SH3BGRL2: variants seen among roughly 807,000 people sequenced by gnomAD.
SH3BGRL2 encodes the protein SH3 domain binding glutamate rich protein like 2, also known as SH3 domain-binding glutamic acid-rich-like protein 2.
SH3BGRL2 carries 21 observed loss-of-function variants against 14.8 expected under a neutral mutation model. The ratio of observed to expected loss-of-function variants is 1.42; its 90% CI spans 1.01 to 2.05. The LOEUF (loss-of-function observed/expected upper bound fraction) is 2.05. Ranked by LOEUF, SH3BGRL2 falls within the 30% of genes most tolerant of loss-of-function variation. The pLI is 0.00. For missense variants in SH3BGRL2, 147 were observed against 130.8 expected, an observed-to-expected ratio of 1.12 and a Z score of -0.61; for synonymous variants, 50 against 47.8, an observed-to-expected ratio of 1.05 and a Z score of -0.19.
the SH3BGRL2 span, among the ~76,000 whole-genome samples, chr6:79,586,183 C>T: frequency 9.0e-3 from 1,211 of 135,088 alleles, 18 homozygotes; most frequent in African/African-American, 0.03. Flanking sequence ...GCAACAAGAG[C>T]GAAACTCTGT....
chr6:79,651,477 C>A (rs1769293516), intron 1 of SH3BGRL2, among the ~76,000 whole-genome samples: 1 of 152,082 alleles, frequency 6.6e-6, no homozygotes, highest in Non-Finnish European at 1.5e-5. Context: ...CATGGTTCTG[C>A]TAACGTTTTA....
intron 1 of SH3BGRL2, among the ~76,000 whole-genome samples, chr6:79,656,427 C>T (rs1714314093): frequency 6.6e-6 from 1 of 152,190 alleles, no homozygotes; most frequent in Non-Finnish European, 1.5e-5. Context: ...AGAATCCACT[C>T]TTCCAGGCAA....
chr6:79,653,840 C>A (rs1582720625), intron 1 of SH3BGRL2, among the ~76,000 whole-genome samples: 1 of 152,162 alleles, frequency 6.6e-6, no homozygotes, highest in Non-Finnish European at 1.5e-5. Flanking sequence ...GGTGACTGAG[C>A]CATGTATGTT....
the SH3BGRL2 span, among the ~76,000 whole-genome samples, chr6:79,621,610 G>A: frequency 7.0e-3 from 1,059 of 152,324 alleles, 6 homozygotes; most frequent in Middle Eastern, 0.02. Flanking sequence ...ATTCACCCAA[G>A]ATTGCACCAA....
chr6:79,652,866 A>T (rs1769323659), intron 1 of SH3BGRL2, among the ~76,000 whole-genome samples: 2 of 152,188 alleles, frequency 1.3e-5, no homozygotes, highest in African/African-American at 4.8e-5. Flanking sequence ...CCTAAGACTT[A>T]TGGTATAATA....
At chr6:79,652,006 C>T (rs1267768522) in intron 1 of SH3BGRL2, among the ~76,000 whole-genome samples, 1 of 152,184 alleles carries the variant, frequency 6.6e-6, no homozygotes, top group East Asian at 1.9e-4. Flanking sequence ...CAAATTCCCT[C>T]AGCTGTGACC....
At chr6:79,611,135 G>T in the SH3BGRL2 span, among the ~76,000 whole-genome samples, 1 of 151,914 alleles carries the variant, frequency 6.6e-6, no homozygotes, top group Non-Finnish European at 1.5e-5. Flanking sequence ...ATCTTCCTTT[G>T]TGGGACCCAG....
At chr6:79,649,376 A>G (rs1293190693) in intron 1 of SH3BGRL2, among the ~76,000 whole-genome samples, 1 of 152,206 alleles carries the variant, frequency 6.6e-6, no homozygotes, top group African/African-American at 2.4e-5. Flanking sequence ...CATATGTGGT[A>G]TATTTTAGAA....
At chr6:79,582,584 T>C in the SH3BGRL2 span, among the ~76,000 whole-genome samples, 1 of 152,230 alleles carries the variant, frequency 6.6e-6, no homozygotes, top group African/African-American at 2.4e-5. Flanking sequence ...ACTAGCCATA[T>C]GTAGAAAGCT....
intron 2 of SH3BGRL2, among the ~76,000 whole-genome samples, chr6:79,676,605 A>ATGTGTGTG (rs58234438): frequency 0.016 from 2,218 of 139,634 alleles, 32 homozygotes; most frequent in African/African-American, 0.045. Context: ...GTCTTTATGT[A>ATGTGTGTG]TGTGTGTGTG....
At chr6:79,590,963 A>G in the SH3BGRL2 span, among the ~76,000 whole-genome samples, 1 of 152,214 alleles carries the variant, frequency 6.6e-6, no homozygotes. Flanking sequence ...TACATCCCTA[A>G]AACATTTCAA....
chr6:79,541,960 C>T, the SH3BGRL2 span, among the ~76,000 whole-genome samples: 76 of 152,260 alleles, frequency 5.0e-4, 1 homozygote, highest in African/African-American at 1.8e-3. Context: ...TTTTTGACTG[C>T]CTCTGCTTTA....
chr6:79,639,040 A>G (rs1166809360), intron 1 of SH3BGRL2, among the ~76,000 whole-genome samples: 1 of 152,218 alleles, frequency 6.6e-6, no homozygotes, highest in Non-Finnish European at 1.5e-5. Flanking sequence ...CAAAAATTGA[A>G]AAGGAAAAGA....
the SH3BGRL2 span, among the ~76,000 whole-genome samples, chr6:79,614,467 G>A: frequency 6.6e-6 from 1 of 152,170 alleles, no homozygotes; most frequent in African/African-American, 2.4e-5. Context: ...ACCCTGCTGG[G>A]ATCTGTACAG....
chr6:79,677,464 C>T (rs1373393140), intron 2 of SH3BGRL2, among the ~76,000 whole-genome samples: 1 of 152,108 alleles, frequency 6.6e-6, no homozygotes, highest in Non-Finnish European at 1.5e-5. Context: ...GTTTTTTCTA[C>T]CCCAGAATTT....
At chr6:79,558,758 C>T in the SH3BGRL2 span, among the ~76,000 whole-genome samples, 1 of 151,986 alleles carries the variant, frequency 6.6e-6, no homozygotes, top group Admixed American at 6.6e-5. Context: ...ATCAAGCATA[C>T]CTAGTGCTCA....
At chr6:79,589,202 A>AT in the SH3BGRL2 span, among the ~76,000 whole-genome samples, 42 of 68,976 alleles carry the variant, frequency 6.1e-4, no homozygotes, top group African/African-American at 1.6e-3. Flanking sequence ...ATATATATAT[A>AT]TATATTTTTT....
the SH3BGRL2 span, among the ~76,000 whole-genome samples, chr6:79,597,339 A>G: frequency 2.9e-5 from 4 of 136,910 alleles, no homozygotes; most frequent in Non-Finnish European, 6.5e-5. Flanking sequence ...GAAAAGAAAA[A>G]AGAAAAGAAA....
chr6:79,591,450 C>A, the SH3BGRL2 span, among the ~76,000 whole-genome samples: 4 of 152,122 alleles, frequency 2.6e-5, no homozygotes, highest in Admixed American at 6.6e-5. Flanking sequence ...TTGCTCTGCG[C>A]CAGGCTGGAG....
Sources: allele counts gnomAD v4.1 joint callset (sites outside exome capture counted in the v4.1 genomes callset), GRCh38; gene constraint gnomAD v4.1.1; transcripts MANE v1.5; gene names NCBI Gene and HGNC (gene_info 2026-07-23, HGNC 2026-07-21).